CNTNAP2: variants seen among roughly 807,000 people sequenced by gnomAD.
CNTNAP2 encodes contactin-associated protein-like 2.
In CNTNAP2, 98 loss-of-function variants were observed where a neutral mutation model predicts 155.2. The ratio of observed to expected loss-of-function variants is 0.63; its 90% CI spans 0.54 to 0.75. The LOEUF is 0.75. Among genes scored for constraint, CNTNAP2 ranks in the 30% least tolerant of loss-of-function variants. The pLI is 0.00. For synonymous variants in CNTNAP2, 651 were observed against 631.2 expected (o/e 1.03, Z -0.47); for missense variants, 1,727 against 1,688.1 (o/e 1.02, Z -0.40).
chr7:148,043,667 T>G (rs151011618), intron 15 of CNTNAP2, among the ~76,000 whole-genome samples: 1 of 152,364 alleles, frequency 6.6e-6, no homozygotes, highest in African/African-American at 2.4e-5. Context: ...GGTTAGATAA[T>G]TAAGTAGGTA....
intron 1 of CNTNAP2, among the ~76,000 whole-genome samples, chr7:146,225,309 T>C (rs975913539): frequency 6.6e-6 from 1 of 152,170 alleles, no homozygotes; most frequent in Non-Finnish European, 1.5e-5. Context: ...ATTCACAAAG[T>C]ACATAGAGAA....
chr7:147,189,962 T>C (rs999242358), intron 8 of CNTNAP2, among the ~76,000 whole-genome samples: 5 of 152,258 alleles, frequency 3.3e-5, no homozygotes, highest in South Asian at 2.1e-4. Flanking sequence ...GCCAGGATGA[T>C]CTCCATCTCT....
intron 21 of CNTNAP2, chr7:148,381,272 T>G (rs1730415): frequency 0.72 from 108,916 of 152,228 alleles, 40,117 homozygotes; most frequent in Admixed American, 0.81. Flanking sequence ...TGCCAGTGAG[T>G]ACAAAGGGCA....
chr7:147,585,943 G>A (rs1356266685), intron 12 of CNTNAP2, among the ~76,000 whole-genome samples: 3 of 152,112 alleles, frequency 2.0e-5, no homozygotes, highest in Admixed American at 6.5e-5. Context: ...GGGAGATCCT[G>A]AGAATATGTG....
At chr7:147,601,313 T>TA (rs1233453503) in intron 12 of CNTNAP2, among the ~76,000 whole-genome samples, 2 of 150,380 alleles carry the variant, frequency 1.3e-5, no homozygotes, top group Non-Finnish European at 1.5e-5. Context: ...CAAAGGGAGA[T>TA]GGGGTGGGGC....
intron 1 of CNTNAP2, among the ~76,000 whole-genome samples, chr7:146,695,349 T>A (rs999592027): frequency 6.6e-6 from 1 of 152,188 alleles, no homozygotes; most frequent in Non-Finnish European, 1.5e-5. Context: ...TATGATTGTA[T>A]GATATTTCTT....
intron 11 of CNTNAP2, among the ~76,000 whole-genome samples, chr7:147,487,220 C>A (rs569811112): frequency 6.6e-6 from 1 of 151,916 alleles, no homozygotes; most frequent in Non-Finnish European, 1.5e-5. Context: ...TATTCAAAAA[C>A]AAGAGGCAAA....
chr7:146,961,444 G>A (rs1410452500), intron 3 of CNTNAP2, among the ~76,000 whole-genome samples: 2 of 152,172 alleles, frequency 1.3e-5, no homozygotes, highest in South Asian at 2.1e-4. Flanking sequence ...GGTGTAATTC[G>A]AAGTGAAGAA....
At chr7:147,605,759 C>T (rs1227482775) in intron 12 of CNTNAP2, among the ~76,000 whole-genome samples, 1 of 152,098 alleles carries the variant, frequency 6.6e-6, no homozygotes, top group Non-Finnish European at 1.5e-5. Context: ...AGAAACGGAA[C>T]AGAAGAGCAG....
intron 10 of CNTNAP2, among the ~76,000 whole-genome samples, chr7:147,485,342 AC>A (rs1798492004): frequency 6.6e-6 from 1 of 152,212 alleles, no homozygotes; most frequent in African/African-American, 2.4e-5. Context: ...ATAGATTTGA[AC>A]ACAAAACCTG....
chr7:147,667,339 C>T (rs1035525279), intron 13 of CNTNAP2, among the ~76,000 whole-genome samples: 2 of 152,272 alleles, frequency 1.3e-5, no homozygotes, highest in South Asian at 2.1e-4. Context: ...GCACTATTAT[C>T]CCTAAGGGGG....
intron 13 of CNTNAP2, among the ~76,000 whole-genome samples, chr7:147,853,096 C>A (rs536662695): frequency 6.6e-6 from 1 of 152,136 alleles, no homozygotes; most frequent in Non-Finnish European, 1.5e-5. Context: ...GCTACTCCCA[C>A]CTTTTCTTTC....
intron 3 of CNTNAP2, among the ~76,000 whole-genome samples, chr7:146,871,520 G>C (rs890508537): frequency 6.6e-6 from 1 of 150,906 alleles, no homozygotes. Flanking sequence ...ACTGAGCAAG[G>C]CTCCGTCTAA....
intron 13 of CNTNAP2, among the ~76,000 whole-genome samples, chr7:147,735,977 A>G (rs1796835904): frequency 6.8e-6 from 1 of 146,520 alleles, no homozygotes; most frequent in South Asian, 2.3e-4. Flanking sequence ...TCTTTATCCA[A>G]TTTGCCAGTC....
chr7:148,314,809 T>C (rs1797658448), intron 21 of CNTNAP2, among the ~76,000 whole-genome samples: 1 of 152,018 alleles, frequency 6.6e-6, no homozygotes, highest in Admixed American at 6.6e-5. Flanking sequence ...CTCTGAAATG[T>C]GGGTGAATAA....
intron 18 of CNTNAP2, among the ~76,000 whole-genome samples, chr7:148,202,656 G>C (rs776405305): frequency 1.4e-4 from 22 of 152,200 alleles, no homozygotes; most frequent in Non-Finnish European, 2.9e-4. Context: ...AATTTTAGTT[G>C]TCAGCTTTGT....
chr7:146,129,596 C>G (rs1408407204), intron 1 of CNTNAP2, among the ~76,000 whole-genome samples: 1 of 152,154 alleles, frequency 6.6e-6, no homozygotes, highest in Non-Finnish European at 1.5e-5. Flanking sequence ...TCTTCTAGAC[C>G]TGGAACTAAA....
At chr7:146,462,583 T>A (rs1346570598) in intron 1 of CNTNAP2, among the ~76,000 whole-genome samples, 1 of 152,192 alleles carries the variant, frequency 6.6e-6, no homozygotes, top group Non-Finnish European at 1.5e-5. Flanking sequence ...TGAGATGCAC[T>A]CCATTAGTAC....
intron 21 of CNTNAP2, among the ~76,000 whole-genome samples, chr7:148,329,893 C>G (rs1195591510): frequency 6.6e-6 from 1 of 152,246 alleles, no homozygotes; most frequent in African/African-American, 2.4e-5. Context: ...CCCCAGAGCT[C>G]CCCACTGCCA....
Sources: gnomAD v4.1 joint callset for allele counts (sites outside exome capture counted in the v4.1 genomes callset) on GRCh38, gnomAD v4.1.1 for gene constraint, MANE v1.5 for transcripts, NCBI Gene and HGNC (gene_info 2026-07-23, HGNC 2026-07-21) for gene names.